RASGRP2: variants seen among roughly 807,000 people sequenced by gnomAD.
The protein encoded by RASGRP2 is RAS guanyl-releasing protein 2.
In RASGRP2, 44 loss-of-function variants were observed where a neutral mutation model predicts 71.0. The ratio of observed to expected loss-of-function variants is 0.62; its 90% CI spans 0.49 to 0.80. The LOEUF (loss-of-function observed/expected upper bound fraction) is 0.80. RASGRP2 is among the 30% of genes least tolerant of loss of function. RASGRP2 has a pLI of 0.00. For synonymous variants in RASGRP2, 350 were observed against 330.7 expected (o/e 1.06, Z -0.63); for missense variants, 663 against 813.4 (o/e 0.82, Z 2.25).
chr11:64,744,243 C>G (rs1166452218), upstream of RASGRP2: 1 of 985,814 alleles, frequency 1.0e-6, no homozygotes, highest in Non-Finnish European at 1.2e-6. Flanking sequence ...AGGGCCCGCC[C>G]TGCGGCCCCA....
In RASGRP2 at chr11:64,736,914, C is replaced by A; in HGVS notation, c.934G>T (p.Val312Leu). ...PILGVHLKDL[V>L]ALQLALPDWL... ...TCAGGCAGTGCCAGCTGCAGGGCCA[C>A]CAGGTCCTTGAGGTGCACACCCAGG... Residue 312 changes from valine to leucine, a missense_variant, in exon 9 of 17, where the codon GTG becomes TTG. Coordinates refer to ENST00000394432, the MANE Select transcript of RASGRP2 (RefSeq NM_001098671.2). The A allele has an allele frequency of 6.2e-7, 1 of 1,613,934 alleles. No individual in the cohort carries two copies. Among genetic ancestry groups the A allele is most frequent in the South Asian group, 1.1e-5 (1 of 91,088 alleles).
chr11:64,738,957 T>TAAAAAA (rs34619826), intron 8 of RASGRP2, among the ~76,000 whole-genome samples: 1 of 133,074 alleles, frequency 7.5e-6, no homozygotes. Context: ...ACCCCATCTC[T>TAAAAAA]AAAAAAAAAA....
chr11:64,735,841 C>T lies in RASGRP2; in HGVS notation c.1173+62G>A. 1.3e-6 allele frequency: 2 copies of T among 1,550,846 alleles called. No individual in the cohort carries two copies. The highest frequency in any genetic ancestry group is 1.1e-5 in the South Asian group (1 of 87,426). On this transcript the variant is annotated intron_variant, in intron 10 of 16. Coordinates refer to ENST00000394432, the MANE Select transcript of RASGRP2 (RefSeq NM_001098671.2). This position sits in a 1 kb window ranked among gnomAD's most constrained non-coding sequence, Gnocchi z 4.2. ...GGTGGCTGCTAAGAGCTCTTCCCAT[C>T]CTCACATCCTGGGATTCTCAGGAGG...
chr11:64,727,640 G>A (rs2057614675), intron 15 of RASGRP2, among the ~76,000 whole-genome samples: 2 of 151,058 alleles, frequency 1.3e-5, no homozygotes, highest in African/African-American at 2.4e-5. Context: ...AGCCTCCCAA[G>A]TAGCTGGGAT....
chr11:64,740,630 G>T, intron 5 of RASGRP2: 1 of 649,706 alleles, frequency 1.5e-6, no homozygotes, highest in Non-Finnish European at 2.8e-6. Flanking sequence ...CTGAGTCTTG[G>T]TAACACGGAG....
chr11:64,735,565 C>T lies in RASGRP2; in HGVS notation c.1273G>A (p.Glu425Lys), dbSNP rs201703741. 6 of 1,614,146 alleles carry T rather than the reference C, an allele frequency of 3.7e-6. No homozygotes were observed. In the East Asian group the frequency reaches 8.9e-5, roughly 24 times the overall value. The change falls in exon 11 of 17, where the codon GAG becomes AAG. Residue 425 changes from glutamate (E) to lysine (K), a missense_variant. Transcript: ENST00000394432. The surrounding 1 kb of genome is among the most constrained non-coding windows in gnomAD (Gnocchi z 4.2). Reference sequence around the variant, plus strand: ...ACCTCCACCATCTTCTCGATGTGCTCCACCACGAGGGCCTGATCCAGCTTG... The same window carrying T: ...ACCTCCACCATCTTCTCGATGTGCTTCACCACGAGGGCCTGATCCAGCTTG... ...KPKLDQALVVEHIEKMVESVF... is the reference protein window; with the variant it reads ...KPKLDQALVVKHIEKMVESVF...
In RASGRP2 at chr11:64,742,670, T is replaced by G. The variant is rs2058169216; in HGVS notation, c.73+124A>C. 1 of 1,304,420 alleles carries G rather than the reference T, an allele frequency of 7.7e-7. No homozygotes were observed. The highest frequency in any genetic ancestry group is 1.1e-6 in the Non-Finnish European group (1 of 931,456). 80.8% of individuals were successfully genotyped at this position (1,304,420 alleles called of 1,614,324 possible). A position where few individuals can be genotyped will look rare whatever the true frequency, so the allele number is the denominator to read the frequency against. On this transcript the variant is annotated intron_variant, in intron 2 of 16. Coordinates refer to ENST00000394432, the MANE Select transcript of RASGRP2 (RefSeq NM_001098671.2). This position sits in a 1 kb window ranked among gnomAD's most constrained non-coding sequence, Gnocchi z 4.7. The stretch of plus-strand genomic sequence containing the variant: ...CGGAGGAGGCTTTCGTTAAAGAGAC[T>G]GCACGCTGCGGAGCAGGGTGGGTCC...
At chr11:64,744,875 C>T (rs2058257012), upstream of RASGRP2, 1 of 147,542 alleles carries the variant, frequency 6.8e-6, no homozygotes, top group African/African-American at 2.5e-5. Flanking sequence ...GCCGCCCCGC[C>T]CCCGCCCCCG....
intron 13 of RASGRP2, 107 bp downstream of exon 13, chr11:64,729,945 GT>G (rs2135729939): frequency 6.6e-7 from 1 of 1,523,488 alleles, no homozygotes; most frequent in South Asian, 1.2e-5. Flanking sequence ...GAATTACCAG[GT>G]TTTCCTGGCT....
chr11:64,731,380 A>T (rs1054510019), intron 12 of RASGRP2, among the ~76,000 whole-genome samples: 13 of 151,778 alleles, frequency 8.6e-5, no homozygotes, highest in Non-Finnish European at 1.6e-4. Flanking sequence ...AAAAAAGAAA[A>T]GATATAATAA....
At chr11:64,738,587 G>A (rs920787672) in intron 8 of RASGRP2, among the ~76,000 whole-genome samples, 1 of 151,882 alleles carries the variant, frequency 6.6e-6, no homozygotes, top group Admixed American at 6.6e-5. Context: ...TTCCAGGTGC[G>A]TGCCACCATG....
chr11:64,729,713 CAAAAA>C (rs34152691), intron 14 of RASGRP2, 44 bp downstream of exon 14: 1 of 1,579,112 alleles, frequency 6.3e-7, no homozygotes, highest in Non-Finnish European at 8.6e-7. Context: ...AACAAACAAA[CAAAAA>C]AAAAAAACAC....
intron 8 of RASGRP2, among the ~76,000 whole-genome samples, chr11:64,738,309 G>A (rs772991856): frequency 1.3e-5 from 2 of 152,202 alleles, no homozygotes; most frequent in Admixed American, 6.5e-5. Flanking sequence ...TGCAAAAGTC[G>A]TGGGGAGGGA....
Position 64,743,826 on chromosome 11 carries a change from G to A in RASGRP2, c.-72+177C>T. On this transcript the variant is annotated intron_variant, in intron 1 of 16. Transcript: ENST00000394432. The surrounding 1 kb of genome is among the most constrained non-coding windows in gnomAD (Gnocchi z 4.9). Reference sequence around the variant, plus strand: ...GCGGGGTCATACGCACCCTGGCAGGGGCAAACACTCCACACCCAAGTTATT... The same window carrying A: ...GCGGGGTCATACGCACCCTGGCAGGAGCAAACACTCCACACCCAAGTTATT... 3.5e-6 allele frequency: 1 copy of A among 285,634 alleles called. No individual in the cohort carries two copies. The highest frequency in any genetic ancestry group is 6.1e-6 in the Non-Finnish European group (1 of 163,616). 17.7% of individuals were successfully genotyped at this position (285,634 alleles called of 1,614,324 possible). A position where few individuals can be genotyped will look rare whatever the true frequency, so the allele number is the denominator to read the frequency against.
At chr11:64,741,984 G>A in intron 3 of RASGRP2, 26 bp downstream of exon 3, 1 of 1,588,760 alleles carries the variant, frequency 6.3e-7, no homozygotes, top group Non-Finnish European at 8.6e-7. Flanking sequence ...GACGGCGGGG[G>A]CCTTGGCAAG....
Position 64,735,422 on chromosome 11 carries a change from C to A in RASGRP2, c.1296+120G>T. ...GCCCCGTGCAGCTGGCCTGCCAGGCCCTGTGACTCCTAGGGGCTGAGTGCT... is the reference window on the plus strand; with the variant it reads ...GCCCCGTGCAGCTGGCCTGCCAGGCACTGTGACTCCTAGGGGCTGAGTGCT... On this transcript the variant is annotated intron_variant, in intron 11 of 16. Coordinates refer to ENST00000394432, the MANE Select transcript of RASGRP2 (RefSeq NM_001098671.2). This position sits in a 1 kb window ranked among gnomAD's most constrained non-coding sequence, Gnocchi z 4.2. The A allele has an allele frequency of 1.3e-6, 2 of 1,566,412 alleles. No homozygotes were observed. Among genetic ancestry groups the A allele is most frequent in the South Asian group, 1.1e-5 (1 of 89,708 alleles).
intron 3 of RASGRP2, 98 bp downstream of exon 3, chr11:64,741,912 T>C (rs987146108): frequency 3.9e-6 from 4 of 1,038,504 alleles, no homozygotes; most frequent in Non-Finnish European, 5.9e-6. Context: ...AGGAGTGGCC[T>C]ATACTTAGGA....
At position 64,736,858 on chromosome 11, in the gene RASGRP2, G is replaced by C. The variant is rs199792530; in HGVS notation, c.990C>G (p.Asn330Lys). The change falls in exon 9 of 17, where the codon AAC becomes AAG. Residue 330 changes from asparagine to lysine, a missense_variant. Transcript: ENST00000394432. ...TAAAGAGCTGCTTCATCTTGGCCCC[G>C]TTGAGCCGGGTCCGGGCTGGGTCCA... ...DWLDPARTRL[N>K]GAKMKQLFSI... is the part of the protein sequence containing the mutation. 18 of 1,613,530 alleles carry C rather than the reference G, an allele frequency of 1.1e-5. No homozygotes were observed. The highest frequency in any genetic ancestry group is 1.5e-5 in the Non-Finnish European group (18 of 1,180,020).
chr11:64,736,072 T>G, intron 9 of RASGRP2, 92 bp from the exon 10 acceptor site: 1 of 38,742 alleles, frequency 2.6e-5, no homozygotes, highest in Non-Finnish European at 1.7e-4. Context: ...ACAGCTCAGC[T>G]CAGAGCTCGG....
Sources: allele counts gnomAD v4.1 joint callset (sites outside exome capture counted in the v4.1 genomes callset), GRCh38; gene constraint gnomAD v4.1.1; non-coding constraint Gnocchi (gnomAD v3.1); transcripts MANE v1.5; gene names NCBI Gene and HGNC (gene_info 2026-07-23, HGNC 2026-07-21).